The following CTNNA3 variants were observed in gnomAD, a reference collection of about 807,000 sequenced individuals.
CTNNA3 encodes the protein catenin alpha 3.
In CTNNA3, 76 loss-of-function variants were observed where a neutral mutation model predicts 95.7. The observed-to-expected ratio is 0.79, with a 90% CI of 0.66 to 0.96. The LOEUF is 0.96. CTNNA3 is among the 40% of genes least tolerant of loss of function. CTNNA3 has a pLI of 0.00. For synonymous variants in CTNNA3, 431 were observed against 374.4 expected (o/e 1.15, Z -1.74); for missense variants, 1,191 against 1,089.8 (o/e 1.09, Z -1.31).
At chr10:67,357,393 G>A (rs1842846901) in intron 5 of CTNNA3, among the ~76,000 whole-genome samples, 1 of 151,940 alleles carries the variant, frequency 6.6e-6, no homozygotes, top group Non-Finnish European at 1.5e-5. Context: ...ATATCATGAT[G>A]CATATTAATA....
chr10:66,503,919 CT>C (rs1589345138), intron 11 of CTNNA3, among the ~76,000 whole-genome samples: 1 of 151,870 alleles, frequency 6.6e-6, no homozygotes, highest in Admixed American at 6.6e-5. Context: ...AAAATTATTT[CT>C]TTTTTAATTA....
chr10:67,683,276 T>A (rs1238326440), intron 1 of CTNNA3, among the ~76,000 whole-genome samples: 2 of 152,220 alleles, frequency 1.3e-5, no homozygotes, highest in African/African-American at 4.8e-5. Flanking sequence ...GAAGTTGGTT[T>A]ATGTATTACT....
At chr10:66,363,845 AC>A (rs2092693613) in intron 12 of CTNNA3, among the ~76,000 whole-genome samples, 3 of 152,210 alleles carry the variant, frequency 2.0e-5, no homozygotes, top group Non-Finnish European at 4.4e-5. Flanking sequence ...AATGTTAATA[AC>A]TTGCTATTTA....
At chr10:67,441,199 T>C (rs937809416) in intron 5 of CTNNA3, among the ~76,000 whole-genome samples, 4 of 149,810 alleles carry the variant, frequency 2.7e-5, no homozygotes, top group African/African-American at 9.9e-5. Context: ...GCAGAACTGG[T>C]CAATCAGAAG....
chr10:66,777,795 AC>A (rs900661196), intron 7 of CTNNA3, among the ~76,000 whole-genome samples: 3 of 71,060 alleles, frequency 4.2e-5, no homozygotes, highest in Non-Finnish European at 1.0e-4. Flanking sequence ...ACACACACAC[AC>A]ATGCACACAC....
intron 14 of CTNNA3, among the ~76,000 whole-genome samples, chr10:66,088,148 A>G (rs183108255): frequency 1.1e-4 from 16 of 152,082 alleles, no homozygotes; most frequent in African/African-American, 3.9e-4. Flanking sequence ...GTAGTATGGT[A>G]GGCTTCTTTT....
At chr10:67,045,800 C>A (rs975292072) in intron 7 of CTNNA3, among the ~76,000 whole-genome samples, 1 of 152,156 alleles carries the variant, frequency 6.6e-6, no homozygotes. Flanking sequence ...TTACTCTATA[C>A]CACATTGCTA....
chr10:67,456,934 C>A (rs1218490936), intron 5 of CTNNA3, among the ~76,000 whole-genome samples: 2 of 151,992 alleles, frequency 1.3e-5, no homozygotes, highest in Non-Finnish European at 2.9e-5. Context: ...AACAAACAAA[C>A]AAACAAAAAA....
In CTNNA3 at chr10:67,482,917, C is replaced by T. The variant is rs190506886; in HGVS notation, c.579+38925G>A. Among the ~76,000 whole-genome samples, 23 of 152,078 alleles carry T rather than the reference C, an allele frequency of 1.5e-4. 1 individual carries two copies. In the East Asian group the frequency reaches 2.5e-3, roughly 17 times the overall value. ...AGATAGCTCTTACTATTTTGAGATACGTCCCATCAATAAACAACCCCATCA... is the reference window on the plus strand; with the variant it reads ...AGATAGCTCTTACTATTTTGAGATATGTCCCATCAATAAACAACCCCATCA... On this transcript the variant is annotated intron_variant, in intron 5 of 17. Transcript: ENST00000433211.
chr10:67,246,258 T>C (rs1424295394), intron 5 of CTNNA3, among the ~76,000 whole-genome samples: 1 of 152,238 alleles, frequency 6.6e-6, no homozygotes, highest in Non-Finnish European at 1.5e-5. Flanking sequence ...TTCATGTCTC[T>C]AGGAATGGCT....
intron 12 of CTNNA3, among the ~76,000 whole-genome samples, chr10:66,283,936 C>T (rs1467803764): frequency 1.3e-5 from 2 of 151,672 alleles, no homozygotes; most frequent in East Asian, 1.9e-4. Flanking sequence ...CATAATCTAC[C>T]TAGGTTTTCA....
intron 7 of CTNNA3, among the ~76,000 whole-genome samples, chr10:67,167,496 C>T (rs1564937302): frequency 1.3e-5 from 2 of 152,198 alleles, no homozygotes; most frequent in Non-Finnish European, 2.9e-5. Flanking sequence ...TAGAATGTTA[C>T]TTCTGCCATA....
intron 12 of CTNNA3, among the ~76,000 whole-genome samples, chr10:66,350,951 A>G (rs1277277857): frequency 1.3e-5 from 2 of 152,084 alleles, no homozygotes; most frequent in Admixed American, 6.6e-5. Context: ...ATCTTCTGAT[A>G]ACTTGATAGT....
chr10:67,086,374 T>A (rs1857308864), intron 7 of CTNNA3, among the ~76,000 whole-genome samples: 1 of 152,000 alleles, frequency 6.6e-6, no homozygotes, highest in South Asian at 2.1e-4. Flanking sequence ...AGTTGGGAGA[T>A]AATCTCAACC....
At position 67,128,221 on chromosome 10, in the gene CTNNA3, A is replaced by T. The variant is rs139796799; in HGVS notation, c.1047+52096T>A. ...GGGTGTTTCTGTGAAGACATTTTAG[A>T]TAAGATTAACATTTAAAGTTATAGA... On this transcript the variant is annotated intron_variant, in intron 7 of 17. Transcript: ENST00000433211. 1.9e-3 allele frequency among the ~76,000 whole-genome samples: 292 copies of T among 152,270 alleles called. 2 individuals carry two copies. Among genetic ancestry groups the T allele is most frequent in the African/African-American group, 6.8e-3 (282 of 41,566 alleles).
chr10:66,538,129 C>G (rs993925874), intron 10 of CTNNA3, among the ~76,000 whole-genome samples: 3 of 152,148 alleles, frequency 2.0e-5, no homozygotes, highest in Non-Finnish European at 4.4e-5. Flanking sequence ...GCCTCATTGC[C>G]TGAAAACAAC....
chr10:67,391,575 A>G (rs1165337505), intron 5 of CTNNA3, among the ~76,000 whole-genome samples: 1 of 151,962 alleles, frequency 6.6e-6, no homozygotes, highest in East Asian at 1.9e-4. Context: ...ATATGGAACC[A>G]AAAAAGAGCC....
intron 6 of CTNNA3, among the ~76,000 whole-genome samples, chr10:67,190,857 A>G (rs956969101): frequency 6.6e-6 from 1 of 152,116 alleles, no homozygotes; most frequent in African/African-American, 2.4e-5. Context: ...CCGATAAACG[A>G]TATTATCCAA....
At position 67,746,875 on chromosome 10, in the gene CTNNA3, G is replaced by A. The variant is rs560428868; in HGVS notation, c.-2+16559C>T. Among the ~76,000 whole-genome samples the A allele has an allele frequency of 3.9e-5, 6 of 152,310 alleles. No homozygotes were observed. The East Asian group carries it at 5.8e-4, about 15-fold the overall frequency. ...GACTAAACTCTGGGGAAGTGGTGGG[G>A]GCAGGAGCCAGCGGGAGAAGGGCAG... On this transcript the variant is annotated intron_variant, in intron 1 of 17. Coordinates refer to the CTNNA3 transcript ENST00000684154.
Sources: gnomAD v4.1 joint callset for allele counts (sites outside exome capture counted in the v4.1 genomes callset) on GRCh38, gnomAD v4.1.1 for gene constraint, MANE v1.5 for transcripts, NCBI Gene and HGNC (gene_info 2026-07-23, HGNC 2026-07-21) for gene names.